The following DAPP1 variants were observed in gnomAD, a reference collection of about 807,000 sequenced individuals.
DAPP1 encodes dual adaptor of phosphotyrosine and 3-phosphoinositides 1.
DAPP1 carries 20 observed loss-of-function variants against 41.5 expected under a neutral mutation model. The ratio of observed to expected loss-of-function variants is 0.48; its 90% CI spans 0.34 to 0.70. DAPP1 has a LOEUF of 0.70. DAPP1 is among the 30% of genes least tolerant of loss of function. The pLI is 0.01. For synonymous variants in DAPP1, 113 were observed against 116.2 expected (o/e 0.97, Z 0.18); for missense variants, 233 against 333.4 (o/e 0.70, Z 2.35).
At chr4:99,854,415 T>C (rs572525471) in intron 4 of DAPP1, among the ~76,000 whole-genome samples, 1 of 152,248 alleles carries the variant, frequency 6.6e-6, no homozygotes, top group Non-Finnish European at 1.5e-5. Flanking sequence ...TGAAAAATAA[T>C]CACTTGAAGA....
chr4:99,865,325 C>T (rs1724386237), intron 7 of DAPP1: 1 of 152,148 alleles, frequency 6.6e-6, no homozygotes, highest in Admixed American at 6.5e-5. Context: ...GACCTTATTG[C>T]TTACATAATT....
chr4:99,851,016 A>T (rs1723837266), intron 3 of DAPP1, among the ~76,000 whole-genome samples: 1 of 152,198 alleles, frequency 6.6e-6, no homozygotes, highest in Admixed American at 6.5e-5. Context: ...TGCTCTTTCC[A>T]AGGGTCCAGA....
chr4:99,819,570 C>A (rs141920715), intron 1 of DAPP1, among the ~76,000 whole-genome samples: 5 of 152,232 alleles, frequency 3.3e-5, no homozygotes, highest in East Asian at 1.9e-4. Flanking sequence ...TTCTTTGAAC[C>A]TTTAACCACT....
At chr4:99,824,657 A>T (rs1448329430) in intron 1 of DAPP1, among the ~76,000 whole-genome samples, 1 of 152,210 alleles carries the variant, frequency 6.6e-6, no homozygotes, top group Non-Finnish European at 1.5e-5. Context: ...GTTTGAAGAC[A>T]ATTACCCTGA....
intron 1 of DAPP1, among the ~76,000 whole-genome samples, chr4:99,828,082 C>G (rs995491038): frequency 1.3e-5 from 2 of 152,188 alleles, no homozygotes; most frequent in African/African-American, 2.4e-5. Context: ...AGTTCCCCAT[C>G]ATTAGCAATA....
At chr4:99,840,191 T>C (rs1723448782) in intron 2 of DAPP1, 98 bp from the exon 3 acceptor site, 1 of 755,328 alleles carries the variant, frequency 1.3e-6, no homozygotes, top group South Asian at 3.0e-5. Flanking sequence ...TCAGTTCTTA[T>C]AAAGGGTTAA....
At position 99,858,024 on chromosome 4, in the gene DAPP1, A is replaced by G. The variant is rs566225147; in HGVS notation, c.490-3554A>G. On this transcript the variant is annotated intron_variant, in intron 4 of 8. Transcript: ENST00000512369. Reference sequence around the variant, plus strand: ...TAAATTGCCTACATGATGCCCCATCACCCTGAATATTTCAGTGTGTATTTC... The same window carrying G: ...TAAATTGCCTACATGATGCCCCATCGCCCTGAATATTTCAGTGTGTATTTC... Among the ~76,000 whole-genome samples the G allele has an allele frequency of 6.0e-4, 91 of 152,288 alleles. 3 individuals are homozygous for G. Among genetic ancestry groups the G allele is most frequent in the Admixed American group, 3.0e-3 (46 of 15,292 alleles).
intron 7 of DAPP1, among the ~76,000 whole-genome samples, chr4:99,864,712 G>C (rs1578193272): frequency 6.6e-6 from 1 of 152,114 alleles, no homozygotes; most frequent in East Asian, 1.9e-4. Flanking sequence ...GGTCTCTACT[G>C]TTCTCCTGGC....
At chr4:99,822,300 G>A (rs776834861) in intron 1 of DAPP1, among the ~76,000 whole-genome samples, 7 of 152,094 alleles carry the variant, frequency 4.6e-5, no homozygotes, top group Non-Finnish European at 8.8e-5. Context: ...GTATGATGAC[G>A]CCAGGCAAGG....
At chr4:99,870,361 A>G (rs1724604493), downstream of DAPP1, among the ~76,000 whole-genome samples, 1 of 152,026 alleles carries the variant, frequency 6.6e-6, no homozygotes, top group Non-Finnish European at 1.5e-5. Flanking sequence ...GTATATATAT[A>G]TACATATGAC....
intron 1 of DAPP1, among the ~76,000 whole-genome samples, chr4:99,825,721 C>G (rs981236364): frequency 2.6e-5 from 4 of 152,166 alleles, no homozygotes; most frequent in Admixed American, 6.5e-5. Context: ...CTGTCTGAGA[C>G]CATGTAAGAA....
At chr4:99,840,528 C>A in intron 3 of DAPP1, 106 bp downstream of exon 3, 2 of 1,294,334 alleles carry the variant, frequency 1.5e-6, no homozygotes, top group South Asian at 1.4e-5. Flanking sequence ...TATATTTCAG[C>A]ATTATCTTGA....
At chr4:99,835,343 C>G (rs576834484) in intron 1 of DAPP1, among the ~76,000 whole-genome samples, 1 of 152,220 alleles carries the variant, frequency 6.6e-6, no homozygotes, top group South Asian at 2.1e-4. Context: ...GACCCTGTCT[C>G]CAAACAAGGT....
intron 2 of DAPP1, 57 bp from the exon 3 acceptor site, chr4:99,840,232 C>A: frequency 8.1e-7 from 1 of 1,228,484 alleles, no homozygotes; most frequent in Non-Finnish European, 1.1e-6. Flanking sequence ...ATCATATTTC[C>A]CTTCAACAAG....
chr4:99,859,706 A>T (rs747127905), intron 4 of DAPP1, among the ~76,000 whole-genome samples: 1 of 152,116 alleles, frequency 6.6e-6, no homozygotes, highest in Non-Finnish European at 1.5e-5. Context: ...TCATGCTTCA[A>T]TGCTCAGTTC....
chr4:99,859,163 G>C (rs1001237732), intron 4 of DAPP1, among the ~76,000 whole-genome samples: 2 of 152,074 alleles, frequency 1.3e-5, no homozygotes, highest in African/African-American at 2.4e-5. Context: ...CAATGCTCAT[G>C]CTTCAGCCTC....
At chr4:99,858,495 G>C (rs1245350827) in intron 4 of DAPP1, among the ~76,000 whole-genome samples, 1 of 152,112 alleles carries the variant, frequency 6.6e-6, no homozygotes, top group African/African-American at 2.4e-5. Context: ...TACTTAAGTG[G>C]TGTCTGCCAG....
At chr4:99,828,722 T>C (rs188039895) in intron 1 of DAPP1, among the ~76,000 whole-genome samples, 1 of 152,348 alleles carries the variant, frequency 6.6e-6, no homozygotes, top group Admixed American at 6.5e-5. Context: ...ATGAAAATTC[T>C]TTAGTGGGTG....
intron 1 of DAPP1, among the ~76,000 whole-genome samples, chr4:99,831,745 T>C (rs1047447023): frequency 5.3e-5 from 8 of 152,200 alleles, no homozygotes; most frequent in Non-Finnish European, 1.0e-4. Context: ...ATTGCCCAAA[T>C]TCTCCAATAC....
Sources: allele counts gnomAD v4.1 joint callset (sites outside exome capture counted in the v4.1 genomes callset), GRCh38; gene constraint gnomAD v4.1.1; transcripts MANE v1.5; gene names NCBI Gene and HGNC (gene_info 2026-07-23, HGNC 2026-07-21).